ZNF148: variants seen among roughly 807,000 people sequenced by gnomAD.
ZNF148 encodes zinc finger protein 148.
ZNF148 carries 7 observed loss-of-function variants against 67.7 expected under a neutral mutation model. That is an observed-to-expected ratio of 0.10 (90% CI 0.06 to 0.19). ZNF148 has a LOEUF of 0.19. Among genes scored for constraint, ZNF148 ranks in the 10% least tolerant of loss-of-function variants. The probability of loss-of-function intolerance (pLI) is 1.00; values close to 1 mark genes in which losing one functional copy is unlikely to be tolerated. For missense variants in ZNF148, 583 were observed against 947.1 expected (o/e 0.62, Z 5.05); for synonymous variants, 333 against 330.7 (o/e 1.01, Z -0.08).
rs769942305 is a variant in ZNF148 at position 125,288,084 on chromosome 3, C to T, written c.459+19G>A. 3.1e-6 allele frequency: 5 copies of T among 1,613,626 alleles called. No individual in the cohort carries two copies. The highest frequency in any genetic ancestry group is 4.2e-6 in the Non-Finnish European group (5 of 1,179,750). The stretch of plus-strand genomic sequence containing the variant: ...TGGAATTAAGAGGTTGTGATTACCA[C>T]CTTAATACATTGTCTTACTTTTGCG... On this transcript the variant is annotated intron_variant, in intron 5 of 8. Coordinates refer to ENST00000360647, the MANE Select transcript of ZNF148 (RefSeq NM_021964.3).
At chr3:125,296,786 T>A (rs1939305558) in intron 4 of ZNF148, among the ~76,000 whole-genome samples, 1 of 152,178 alleles carries the variant, frequency 6.6e-6, no homozygotes. Flanking sequence ...TATATGGCAT[T>A]ATACAAATAT....
intron 1 of ZNF148, among the ~76,000 whole-genome samples, chr3:125,374,505 C>T (rs1942995735): frequency 6.6e-6 from 1 of 152,020 alleles, no homozygotes; most frequent in African/African-American, 2.4e-5. Flanking sequence ...ACAATGAACA[C>T]CCCCCAGAAT....
intron 7 of ZNF148, among the ~76,000 whole-genome samples, chr3:125,250,200 G>A (rs1936778469): frequency 6.6e-6 from 1 of 152,172 alleles, no homozygotes; most frequent in Non-Finnish European, 1.5e-5. Flanking sequence ...TGATGGTTAT[G>A]TTCATTAGTT....
At chr3:125,238,927 C>T (rs1388858205) in intron 7 of ZNF148, among the ~76,000 whole-genome samples, 6 of 152,036 alleles carry the variant, frequency 3.9e-5, no homozygotes. Flanking sequence ...TATTATTCAC[C>T]TAGAAAAATG....
intron 4 of ZNF148, among the ~76,000 whole-genome samples, chr3:125,309,828 T>TACC (rs1320150645): frequency 1.3e-5 from 2 of 152,204 alleles, no homozygotes; most frequent in Non-Finnish European, 2.9e-5. Context: ...ATCTATAGAC[T>TACC]ACCTCATCCA....
chr3:125,241,666 C>G (rs1936367302), intron 7 of ZNF148, among the ~76,000 whole-genome samples: 1 of 152,198 alleles, frequency 6.6e-6, no homozygotes, highest in South Asian at 2.1e-4. Context: ...TTTATTTAAT[C>G]AATCCTCTAT....
chr3:125,276,835 A>G (rs1938103501), intron 7 of ZNF148, among the ~76,000 whole-genome samples: 1 of 152,348 alleles, frequency 6.6e-6, no homozygotes, highest in South Asian at 2.1e-4. Context: ...TTGTTTCTAT[A>G]TGACAAACTG....
chr3:125,268,080 C>T (rs574793148), intron 7 of ZNF148, among the ~76,000 whole-genome samples: 20 of 151,544 alleles, frequency 1.3e-4, no homozygotes, highest in South Asian at 4.2e-4. Context: ...CATAAACAAA[C>T]GAAAAAAAGT....
chr3:125,318,666 G>A (rs934190539), intron 3 of ZNF148, among the ~76,000 whole-genome samples: 25 of 152,242 alleles, frequency 1.6e-4, no homozygotes, highest in Non-Finnish European at 2.8e-4. Context: ...AAATGGCAGC[G>A]CTGTTAAGAA....
At chr3:125,353,514 T>C (rs1403527648) in intron 1 of ZNF148, among the ~76,000 whole-genome samples, 3 of 152,200 alleles carry the variant, frequency 2.0e-5, no homozygotes, top group African/African-American at 7.2e-5. Context: ...CTAGTTTTGA[T>C]GTCTTACTAG....
intron 7 of ZNF148, among the ~76,000 whole-genome samples, chr3:125,256,964 CCA>C (rs1937110198): frequency 8.5e-6 from 1 of 117,766 alleles, no homozygotes; most frequent in Non-Finnish European, 1.7e-5. Flanking sequence ...TCCAGAACTT[CCA>C]GTTTTTTTTT....
At chr3:125,307,517 G>A (rs1347549011) in intron 4 of ZNF148, among the ~76,000 whole-genome samples, 1 of 152,102 alleles carries the variant, frequency 6.6e-6, no homozygotes, top group Non-Finnish European at 1.5e-5. Flanking sequence ...TGTTAGCCAG[G>A]ATTGTCTCAA....
intron 1 of ZNF148, among the ~76,000 whole-genome samples, chr3:125,345,707 T>C (rs1941916671): frequency 6.6e-6 from 1 of 152,184 alleles, no homozygotes; most frequent in Admixed American, 6.5e-5. Flanking sequence ...AACAATTTTA[T>C]GCTCTTAAAT....
intron 1 of ZNF148, chr3:125,344,458 C>A: frequency 9.9e-7 from 1 of 1,005,708 alleles, no homozygotes; most frequent in South Asian, 1.3e-5. Flanking sequence ...TCAAAGAAGT[C>A]AAATAAAAAT....
intron 2 of ZNF148, among the ~76,000 whole-genome samples, chr3:125,327,336 T>A (rs142428905): frequency 6.6e-6 from 1 of 152,274 alleles, no homozygotes; most frequent in Non-Finnish European, 1.5e-5. Flanking sequence ...ACAGAATAAT[T>A]AGACAGAAAA....
intron 3 of ZNF148, among the ~76,000 whole-genome samples, chr3:125,317,126 A>G (rs1022271549): frequency 1.3e-5 from 2 of 152,170 alleles, no homozygotes; most frequent in Non-Finnish European, 2.9e-5. Context: ...CTTCCTTTTT[A>G]CTAAGTTCCT....
At chr3:125,271,536 A>G (rs371088130) in intron 7 of ZNF148, among the ~76,000 whole-genome samples, 2 of 152,346 alleles carry the variant, frequency 1.3e-5, no homozygotes, top group African/African-American at 4.8e-5. Context: ...TTTCAACAGC[A>G]TATTGGTTAA....
At chr3:125,277,367 T>C (rs572233153) in intron 7 of ZNF148, among the ~76,000 whole-genome samples, 1 of 152,322 alleles carries the variant, frequency 6.6e-6, no homozygotes, top group South Asian at 2.1e-4. Flanking sequence ...GAGAATGAAT[T>C]GTACTGCTGC....
At position 125,228,712 on chromosome 3, in the gene ZNF148, A is replaced by G. The variant is rs1935733874; in HGVS notation, c.*3629T>C. On this transcript the variant is annotated 3_prime_UTR_variant, in exon 9 of 9. Coordinates refer to ENST00000360647, the MANE Select transcript of ZNF148 (RefSeq NM_021964.3). ...AATGGAATGCATAACATTAATAAAC[A>G]TCATAAAGGAAGACTCACATAAAAG... The G allele has an allele frequency of 6.6e-6, 1 of 152,606 alleles. No homozygotes were observed. The allele number at this position is 152,606 out of a possible 1,614,324, so 9.5% of individuals were successfully genotyped here. A position where few individuals can be genotyped will look rare whatever the true frequency, so the allele number is the denominator to read the frequency against.
Sources: gnomAD v4.1 joint callset for allele counts (sites outside exome capture counted in the v4.1 genomes callset) on GRCh38, gnomAD v4.1.1 for gene constraint, MANE v1.5 for transcripts, NCBI Gene and HGNC (gene_info 2026-07-23, HGNC 2026-07-21) for gene names.